CHD2: variants seen among roughly 807,000 people sequenced by gnomAD.
CHD2 encodes chromodomain helicase DNA binding protein 2, also known as ATP-dependent chromatin remodeler CHD2.
Under a neutral mutation model 243.9 loss-of-function variants are expected in CHD2, and 28 were observed. The ratio of observed to expected loss-of-function variants is 0.11; its 90% CI spans 0.09 to 0.16. CHD2 has a LOEUF of 0.16. CHD2 is among the 10% of genes least tolerant of loss of function. The pLI, the probability that CHD2 is intolerant of heterozygous loss-of-function variation, is 1.00. For missense variants in CHD2, 1,386 were observed against 2,209.8 expected (o/e 0.63, Z 7.47); for synonymous variants, 775 against 779.0 (o/e 0.99, Z 0.09).
intron 16 of CHD2, among the ~76,000 whole-genome samples, chr15:92,959,632 C>T (rs945704097): frequency 2.0e-5 from 3 of 152,170 alleles, no homozygotes; most frequent in Non-Finnish European, 4.4e-5. Context: ...GCTGGGATTA[C>T]AGGCACGCAC....
At chr15:92,902,086 C>CT (rs1445112198) in intron 2 of CHD2, 1 of 397,100 alleles carries the variant, frequency 2.5e-6, no homozygotes, top group East Asian at 3.6e-5. Flanking sequence ...CATTTGTATG[C>CT]TTAAGACATT....
At chr15:92,954,144 A>T (rs1487313283) in intron 14 of CHD2, 1 of 153,156 alleles carries the variant, frequency 6.5e-6, no homozygotes, top group Non-Finnish European at 1.5e-5. Flanking sequence ...TTTTCTTTAT[A>T]GTAACTTTTT....
intron 38 of CHD2, chr15:93,021,334 G>A (rs1403967003): frequency 6.6e-6 from 1 of 152,002 alleles, no homozygotes; most frequent in Non-Finnish European, 1.5e-5. Context: ...ATTATGATGT[G>A]CCTTGGTGTA....
At chr15:92,904,930 A>G (rs777729118) in intron 2 of CHD2, 57 of 1,535,920 alleles carry the variant, frequency 3.7e-5, no homozygotes, top group Non-Finnish European at 4.8e-5. Context: ...CAAAGGGAAG[A>G]TTATTTGAAC....
intron 26 of CHD2, among the ~76,000 whole-genome samples, chr15:92,988,903 A>G (rs2054079554): frequency 1.3e-5 from 2 of 151,868 alleles, no homozygotes; most frequent in Non-Finnish European, 2.9e-5. Flanking sequence ...GACTTTTTTT[A>G]ACTCTTGTAA....
At chr15:93,009,879 AC>A (rs1392650667) in intron 35 of CHD2, among the ~76,000 whole-genome samples, 3 of 152,214 alleles carry the variant, frequency 2.0e-5, no homozygotes, top group African/African-American at 7.2e-5. Context: ...AGCCACTGAA[AC>A]TTTTTTAAAA....
At chr15:92,930,239 G>C (rs2053140491) in intron 5 of CHD2, among the ~76,000 whole-genome samples, 1 of 152,122 alleles carries the variant, frequency 6.6e-6, no homozygotes, top group East Asian at 1.9e-4. Flanking sequence ...GGAAATCCAT[G>C]CATGTAATCA....
chr15:92,911,759 C>A (rs1282569151), intron 2 of CHD2, among the ~76,000 whole-genome samples: 2 of 151,974 alleles, frequency 1.3e-5, no homozygotes, highest in Non-Finnish European at 2.9e-5. Flanking sequence ...AAGAAAAAAT[C>A]AACATCAACA....
At chr15:93,013,929 A>C (rs1453174879) in intron 36 of CHD2, among the ~76,000 whole-genome samples, 4 of 9,734 alleles carry the variant, frequency 4.1e-4, no homozygotes, top group Non-Finnish European at 1.9e-3. Flanking sequence ...ACTCTGTCTC[A>C]AAAAAAAAAA....
chr15:92,909,119 A>C (rs1217631291), intron 2 of CHD2, among the ~76,000 whole-genome samples: 2 of 151,942 alleles, frequency 1.3e-5, no homozygotes, highest in African/African-American at 4.8e-5. Flanking sequence ...ACCAAAAAAA[A>C]AAAAAGAAAA....
At chr15:92,968,563 A>G (rs1201406408) in intron 17 of CHD2, among the ~76,000 whole-genome samples, 2 of 152,228 alleles carry the variant, frequency 1.3e-5, no homozygotes, top group African/African-American at 2.4e-5. Flanking sequence ...ATTAGAGAGT[A>G]CAAAAGGGTG....
intron 32 of CHD2, 57 bp downstream of exon 32, chr15:93,000,697 G>T: frequency 6.6e-7 from 1 of 1,524,108 alleles, no homozygotes; most frequent in Non-Finnish European, 8.9e-7. Context: ...TACTTATCAT[G>T]CCAGCTGGAA....
intron 26 of CHD2, among the ~76,000 whole-genome samples, chr15:92,987,543 G>T (rs1017235810): frequency 7.3e-5 from 11 of 151,716 alleles, no homozygotes; most frequent in African/African-American, 2.7e-4. Context: ...GGAGGCCAAG[G>T]TTTGCAGTGA....
intron 16 of CHD2, among the ~76,000 whole-genome samples, chr15:92,966,270 G>C (rs2053762053): frequency 6.6e-6 from 1 of 151,682 alleles, no homozygotes; most frequent in African/African-American, 2.4e-5. Flanking sequence ...CACCATGTTG[G>C]CCAGGCTGGT....
At chr15:93,015,657 T>G (rs1264965559) in intron 37 of CHD2, among the ~76,000 whole-genome samples, 1 of 152,190 alleles carries the variant, frequency 6.6e-6, no homozygotes, top group African/African-American at 2.4e-5. Context: ...CAGCTCCTTA[T>G]GTAGCAGGAA....
chr15:92,971,436 A>AATGT (rs749732999), intron 17 of CHD2, among the ~76,000 whole-genome samples: 1 of 152,054 alleles, frequency 6.6e-6, no homozygotes, highest in Non-Finnish European at 1.5e-5. Context: ...AAATATGTAA[A>AATGT]ATGTATGTAT....
At chr15:92,961,915 A>G (rs1189844979) in intron 16 of CHD2, among the ~76,000 whole-genome samples, 1 of 48,694 alleles carries the variant, frequency 2.1e-5, no homozygotes, top group Non-Finnish European at 3.8e-5. Context: ...TGAGTTTTGC[A>G]TTTGTTGCCC....
chr15:92,978,092 T>G lies in CHD2; in HGVS notation c.2578-142T>G, dbSNP rs555121737. 6 of 907,856 alleles carry G rather than the reference T, an allele frequency of 6.6e-6. No homozygotes were observed. The South Asian group carries it at 8.7e-5, about 13-fold the overall frequency. 56.2% of individuals were successfully genotyped at this position (907,856 alleles called of 1,614,324 possible). On this transcript the variant is annotated intron_variant, in intron 20 of 38. Coordinates refer to ENST00000394196, the MANE Select transcript of CHD2 (RefSeq NM_001271.4). The stretch of plus-strand genomic sequence containing the variant: ...CATTCTACCATCAAGTCCCTGACAT[T>G]CTTTTAGCCTCCATAAAGTTTGTCC...
intron 13 of CHD2, among the ~76,000 whole-genome samples, chr15:92,950,080 T>C (rs550443140): frequency 2.6e-5 from 4 of 151,008 alleles, no homozygotes; most frequent in African/African-American, 7.4e-5. Flanking sequence ...AAGGAAGGGG[T>C]GTAGGCTGTA....
Sources: gnomAD v4.1 joint callset for allele counts (sites outside exome capture counted in the v4.1 genomes callset) on GRCh38, gnomAD v4.1.1 for gene constraint, MANE v1.5 for transcripts, NCBI Gene and HGNC (gene_info 2026-07-23, HGNC 2026-07-21) for gene names.